Variants in WDR35 observed in about 807,000 individuals in gnomAD.
WDR35 encodes WD repeat-containing protein 35.
A neutral mutation model predicts 158.3 loss-of-function variants in WDR35; 118 were observed. The observed-to-expected ratio is 0.75, with a 90% CI of 0.64 to 0.87. The LOEUF (loss-of-function observed/expected upper bound fraction) is 0.87, where lower values mean the gene tolerates loss of function less well. Among genes scored for constraint, WDR35 ranks in the 40% least tolerant of loss-of-function variants. The probability of loss-of-function intolerance (pLI) is 0.00; values close to 1 mark genes in which losing one functional copy is unlikely to be tolerated. For synonymous variants in WDR35, 448 were observed against 476.1 expected, an observed-to-expected ratio of 0.94 and a Z score of 0.77; for missense variants, 1,263 against 1,405.8, an observed-to-expected ratio of 0.90 and a Z score of 1.62.
intron 25 of WDR35, among the ~76,000 whole-genome samples, chr2:19,916,869 A>C (rs1415213433): frequency 1.3e-5 from 2 of 152,228 alleles, no homozygotes; most frequent in African/African-American, 4.8e-5. Flanking sequence ...CACAGTGTTC[A>C]AGCTCTGATA....
intron 10 of WDR35, among the ~76,000 whole-genome samples, chr2:19,962,748 C>T (rs1188866002): frequency 6.6e-6 from 1 of 151,934 alleles, no homozygotes; most frequent in Non-Finnish European, 1.5e-5. Flanking sequence ...AAAAAGAACT[C>T]ATTGAATTAA....
rs936910627 is a variant in WDR35, at chr2:19,966,898, G to A, written c.1020C>T (p.Cys340=). 1 of 1,613,736 alleles carries A rather than the reference G, an allele frequency of 6.2e-7. No homozygotes were observed. Among genetic ancestry groups the A allele is most frequent in the Non-Finnish European group, 8.5e-7 (1 of 1,179,862 alleles). Residue 340 remains cysteine (C), a synonymous_variant, in exon 10 of 27, where the codon TGC becomes TGT. Coordinates refer to ENST00000281405, the MANE Select transcript of WDR35 (RefSeq NM_020779.4). ...TATATGCATAAACTACAGTGTTTGA[G>A]CAATAACCCCACTAGGAAGAAAGGA... The part of the protein sequence containing the change: ...NIRPNYKWGY[C]SNTVVYAYTR...
At chr2:19,930,815 C>G (rs961332622) in intron 24 of WDR35, among the ~76,000 whole-genome samples, 3 of 152,144 alleles carry the variant, frequency 2.0e-5, no homozygotes, top group Non-Finnish European at 4.4e-5. Context: ...ACTGAGATCA[C>G]TGGTGTGAGC....
intron 25 of WDR35, among the ~76,000 whole-genome samples, chr2:19,925,158 T>A (rs1309487026): frequency 6.6e-6 from 1 of 152,208 alleles, no homozygotes; most frequent in Non-Finnish European, 1.5e-5. Context: ...GCAAAGGGTC[T>A]GTGGACCCTT....
intron 5 of WDR35, among the ~76,000 whole-genome samples, chr2:19,977,306 C>T (rs1437223221): frequency 2.0e-5 from 3 of 152,182 alleles, no homozygotes; most frequent in Non-Finnish European, 4.4e-5. Flanking sequence ...ACTTGAATGG[C>T]CTATGGCATG....
chr2:19,935,350 T>A (rs1670658637), intron 21 of WDR35, 121 bp downstream of exon 21: 1 of 1,089,346 alleles, frequency 9.2e-7, no homozygotes, highest in Admixed American at 2.6e-5. Context: ...ATTCCATGTC[T>A]AAGAAACTGT....
At position 19,989,292 on chromosome 2, in the gene WDR35, C is replaced by G. The variant is rs1448306773; in HGVS notation, c.25-10G>C. On this transcript the variant is annotated splice_polypyrimidine_tract_variant and intron_variant, in intron 1 of 26. Transcript: ENST00000281405. ...TATTGGGAATGGAAATCTGAAAAAG[C>G]AACCACAGCCGCACTAGCAACTTTT... 6.2e-7 allele frequency: 1 copy of G among 1,611,954 alleles called. No homozygotes were observed. The highest frequency in any genetic ancestry group is 1.7e-5 in the Admixed American group (1 of 60,028).
At chr2:19,930,701 G>T in intron 24 of WDR35, 149 bp from the exon 25 acceptor site, 1 of 1,168,128 alleles carries the variant, frequency 8.6e-7, no homozygotes. Context: ...AAGAGATGAG[G>T]TATTACTCTG....
intron 16 of WDR35, among the ~76,000 whole-genome samples, chr2:19,945,010 A>T (rs765095467): frequency 9.2e-5 from 14 of 152,264 alleles, no homozygotes; most frequent in Non-Finnish European, 1.9e-4. Flanking sequence ...AAAATTCCAA[A>T]TTGAAAATCC....
chr2:19,933,438 G>A lies in WDR35; in HGVS notation c.2621C>T (p.Pro874Leu). 1 of 1,613,892 alleles carries A rather than the reference G, an allele frequency of 6.2e-7. No homozygotes were observed. Among genetic ancestry groups the A allele is most frequent in the Non-Finnish European group, 8.5e-7 (1 of 1,179,932 alleles). The change falls in exon 22 of 27, where the codon CCA becomes CTA. Residue 874 changes from proline to leucine, a missense_variant. Coordinates refer to ENST00000281405, the MANE Select transcript of WDR35 (RefSeq NM_020779.4). ...AVTAFLKCSQ[P>L]KAAVDTCVHL... ...TACGCAGGTATCTACTGCTGCCTTT[G>A]GTTGACTACATTTCAAAAATGCAGT... is the stretch of plus-strand genomic sequence containing the variant.
chr2:19,983,236 G>T (rs970552176), intron 2 of WDR35, among the ~76,000 whole-genome samples: 2 of 152,238 alleles, frequency 1.3e-5, no homozygotes, highest in African/African-American at 2.4e-5. Flanking sequence ...AGCCAGGAAA[G>T]GTAGAGAAAG....
In WDR35 at chr2:19,946,541, G is replaced by A; in HGVS notation, c.1554C>T (p.Tyr518=). 6.2e-7 allele frequency: 1 copy of A among 1,613,588 alleles called. No individual in the cohort carries two copies. The highest frequency in any genetic ancestry group is 8.5e-7 in the Non-Finnish European group (1 of 1,179,682). ...GAATCAAACCAACATTAGGTAGACT[G>A]TATCTCTGAATGGTGCCAGATTCAC... ...VGRESGTIQR[Y]SLPNVGLIQK... The change falls in exon 15 of 27, where the codon TAC becomes TAT. Residue 518 remains tyrosine (Y), a synonymous_variant. Transcript: ENST00000281405.
chr2:19,922,958 T>C (rs997399597), intron 25 of WDR35, among the ~76,000 whole-genome samples: 51 of 152,324 alleles, frequency 3.3e-4, no homozygotes, highest in African/African-American at 1.2e-3. Context: ...GTAGCATGAG[T>C]GATCTGTGCC....
chr2:19,982,682 A>T, intron 2 of WDR35, 148 bp from the exon 3 acceptor site: 1 of 808,366 alleles, frequency 1.2e-6, no homozygotes, highest in Admixed American at 2.7e-5. Context: ...ATAAACATGA[A>T]CAATAACACA....
Position 19,960,622 on chromosome 2 carries a change from C to A in WDR35, c.1195-8G>T. On this transcript the variant is annotated splice_region_variant and splice_polypyrimidine_tract_variant and intron_variant, in intron 10 of 26. Transcript: ENST00000281405. ...ACAAAGAACTAGTACAAACTGTGAACAAATAAAACAAAAAGTATCAGAACT... is the reference window on the plus strand; with the variant it reads ...ACAAAGAACTAGTACAAACTGTGAAAAAATAAAACAAAAAGTATCAGAACT... 1.9e-6 allele frequency: 3 copies of A among 1,597,800 alleles called. No individual in the cohort carries two copies. Among genetic ancestry groups the A allele is most frequent in the Non-Finnish European group, 2.6e-6 (3 of 1,167,110 alleles).
At position 19,953,898 on chromosome 2, in the gene WDR35, C is replaced by A; in HGVS notation, c.1336G>T (p.Ala446Ser). ...ATTTCCAATGCTGTGAGCTTCTTTG[C>A]CACACGATATTGCCAGGTATAAAAT... Reference protein sequence around the residue: ...EAFYTWQYRVAKKLTALEINQ... With the variant: ...EAFYTWQYRVSKKLTALEINQ... Residue 446 changes from alanine to serine, a missense_variant, in exon 12 of 27, where the codon GCA (alanine) becomes TCA (serine). Transcript: ENST00000281405. 2 of 1,614,074 alleles carry A rather than the reference C, an allele frequency of 1.2e-6. No homozygotes were observed. Among genetic ancestry groups the A allele is most frequent in the Non-Finnish European group, 1.7e-6 (2 of 1,179,984 alleles).
At position 19,933,490 on chromosome 2, in the gene WDR35, T is replaced by C; in HGVS notation, c.2569A>G (p.Arg857Gly). 6.2e-7 allele frequency: 1 copy of C among 1,613,774 alleles called. No homozygotes were observed. The highest frequency in any genetic ancestry group is 1.3e-5 in the African/African-American group (1 of 75,042). Residue 857 changes from arginine to glycine, a missense_variant, in exon 22 of 27, where the codon AGA becomes GGA. Physicochemically the swap from Arg to Gly is moderately radical, Grantham distance 125. Coordinates refer to ENST00000281405, the MANE Select transcript of WDR35 (RefSeq NM_020779.4). ...ACTGCTTGTTCACACATTCCAACTC[T>C]GACAAACATTTGTGCTATTTCCTGT... ...LLPEIAQMFV[R>G]VGMCEQAVTA...
At chr2:19,957,256 T>C (rs947237033) in intron 11 of WDR35, among the ~76,000 whole-genome samples, 1 of 152,224 alleles carries the variant, frequency 6.6e-6, no homozygotes, top group African/African-American at 2.4e-5. Flanking sequence ...TAAAACCATA[T>C]ATAAATTCTC....
chr2:19,916,147 T>TG (rs1669985183), intron 25 of WDR35, among the ~76,000 whole-genome samples: 1 of 152,122 alleles, frequency 6.6e-6, no homozygotes, highest in African/African-American at 2.4e-5. Flanking sequence ...TGCAAGGGGA[T>TG]GGGGAAATCC....
Sources: gnomAD v4.1 joint callset for allele counts (sites outside exome capture counted in the v4.1 genomes callset) on GRCh38, gnomAD v4.1.1 for gene constraint, MANE v1.5 for transcripts, NCBI Gene and HGNC (gene_info 2026-07-23, HGNC 2026-07-21) for gene names.